MRPL42: variants seen among roughly 807,000 people sequenced by gnomAD.
The protein encoded by MRPL42 is mitochondrial ribosomal protein L42, also known as large ribosomal subunit protein mL42.
Under a neutral mutation model 17.9 loss-of-function variants are expected in MRPL42, and 17 were observed. The observed-to-expected ratio is 0.95, with a 90% CI of 0.65 to 1.42. The LOEUF (loss-of-function observed/expected upper bound fraction) is 1.42, where lower values mean the gene tolerates loss of function less well. MRPL42 is among the 40% of genes most tolerant of loss of function. The pLI, the probability that MRPL42 is intolerant of heterozygous loss-of-function variation, is 0.00. For missense variants in MRPL42, 177 were observed against 175.2 expected (o/e 1.01, Z -0.06); for synonymous variants, 59 against 54.4 (o/e 1.08, Z -0.37).
rs2121314792 is a variant in MRPL42, at chr12:93,516,184, C to T, written c.*14963C>T. The T allele has an allele frequency of 6.6e-6, 1 of 152,332 alleles. No homozygotes were observed. Among genetic ancestry groups the T allele is most frequent in the South Asian group, 2.1e-4 (1 of 4,826 alleles). 9.4% of individuals were successfully genotyped at this position (152,332 alleles called of 1,614,324 possible). A position where few individuals can be genotyped will look rare whatever the true frequency, so the allele number is the denominator to read the frequency against. ...CTATGTTGTGTGTTCTTCTTTGCTG[C>T]AATGAGTAATAAACTCAACTTGTTT... On this transcript the variant is annotated 3_prime_UTR_variant, in exon 6 of 6. Transcript: ENST00000549982.
chr12:93,478,938 A>AT (rs1437931558), intron 3 of MRPL42, among the ~76,000 whole-genome samples: 2 of 80,108 alleles, frequency 2.5e-5, no homozygotes, highest in South Asian at 6.9e-4. Context: ...TTATTTATTT[A>AT]TTTATTTTTT....
At chr12:93,485,813 G>A (rs1340049345) in intron 4 of MRPL42, among the ~76,000 whole-genome samples, 7 of 151,746 alleles carry the variant, frequency 4.6e-5, no homozygotes, top group Non-Finnish European at 1.0e-4. Flanking sequence ...TTTGTTTTCC[G>A]TTTTGTTTTG....
chr12:93,495,834 A>T (rs1198184336), intron 5 of MRPL42, among the ~76,000 whole-genome samples: 2 of 152,202 alleles, frequency 1.3e-5, no homozygotes, highest in Non-Finnish European at 2.9e-5. Flanking sequence ...CTGGTAGCTG[A>T]ACTCTGGAAA....
intron 5 of MRPL42, among the ~76,000 whole-genome samples, chr12:93,491,796 G>A (rs1011381785): frequency 7.9e-5 from 12 of 152,124 alleles, no homozygotes; most frequent in African/African-American, 2.9e-4. Context: ...TGTCCCCAGT[G>A]TTTTTTGTTT....
intron 2 of MRPL42, chr12:93,470,453 G>A (rs1275156616): frequency 1.6e-6 from 2 of 1,273,110 alleles, no homozygotes; most frequent in South Asian, 2.7e-5. Context: ...TAAACTATGT[G>A]AGCCAACTTT....
Position 93,510,426 on chromosome 12 carries a change from TC to T in MRPL42, c.*9207del, listed in dbSNP as rs1953715277. The T allele has an allele frequency of 6.6e-6, 1 of 152,222 alleles. No homozygotes were observed. The highest frequency in any genetic ancestry group is 1.5e-5 in the Non-Finnish European group (1 of 68,046). 9.4% of individuals were successfully genotyped at this position (152,222 alleles called of 1,614,324 possible). ...AGATATCCATGTGTAGGTTTTTGTG[TC>T]CATTTAAGCTTTCAACTCCTTTGGG... On this transcript the variant is annotated 3_prime_UTR_variant, in exon 6 of 6. Transcript: ENST00000549982.
At chr12:93,490,849 T>G (rs981648347) in intron 5 of MRPL42, among the ~76,000 whole-genome samples, 1 of 152,258 alleles carries the variant, frequency 6.6e-6, no homozygotes. Context: ...TCTTCTTAAA[T>G]AAGTTTTTAT....
intron 5 of MRPL42, among the ~76,000 whole-genome samples, chr12:93,496,448 A>C (rs1953506434): frequency 6.6e-6 from 1 of 152,116 alleles, no homozygotes; most frequent in Admixed American, 6.6e-5. Context: ...TAGATACCTA[A>C]TAAACTATAA....
At position 93,477,033 on chromosome 12, in the gene MRPL42, C is replaced by T. The variant is rs1281775695; in HGVS notation, c.134+16C>T. The stretch of plus-strand genomic sequence containing the variant: ...ACTATAATTGGTATGTATTAAAATT[C>T]AATTGAAGAAATAATAGTCTTAGCT... On this transcript the variant is annotated intron_variant, in intron 3 of 5. Coordinates refer to ENST00000549982, the MANE Select transcript of MRPL42 (RefSeq NM_014050.4). The T allele has an allele frequency of 6.6e-7, 1 of 1,522,218 alleles. No homozygotes were observed. Among genetic ancestry groups the T allele is most frequent in the Non-Finnish European group, 9.0e-7 (1 of 1,105,690 alleles). The allele number at this position is 1,522,218 out of a possible 1,614,324, so 94.3% of individuals were successfully genotyped here.
At chr12:93,488,521 T>C (rs11107049) in intron 5 of MRPL42, 55,363 of 366,450 alleles carry the variant, frequency 0.15, 4,867 homozygotes, top group East Asian at 0.26. Context: ...TTACATTCTA[T>C]GATGTATTCA....
In MRPL42 at chr12:93,504,811, T is replaced by G. The variant is rs1024008608; in HGVS notation, c.*3590T>G. ...TAATCAGAGTTTGTAATTAGGCATC[T>G]TTTTGTGTGATTATTTGGTAAATGT... is the stretch of plus-strand genomic sequence containing the variant. On this transcript the variant is annotated 3_prime_UTR_variant, in exon 6 of 6. Transcript: ENST00000549982. 73 of 152,214 alleles carry G rather than the reference T, an allele frequency of 4.8e-4. No homozygotes were observed. The highest frequency in any genetic ancestry group is 1.7e-3 in the African/African-American group (71 of 41,452). 9.4% of individuals were successfully genotyped at this position (152,214 alleles called of 1,614,324 possible).
intron 5 of MRPL42, chr12:93,488,031 C>T (rs947536294): frequency 1.1e-5 from 3 of 269,394 alleles, no homozygotes; most frequent in Non-Finnish European, 1.4e-5. Flanking sequence ...AGTGCAGTGG[C>T]GAGATCTCGT....
intron 5 of MRPL42, among the ~76,000 whole-genome samples, chr12:93,496,856 A>AGCCT (rs1255647994): frequency 6.6e-6 from 1 of 151,990 alleles, no homozygotes; most frequent in African/African-American, 2.4e-5. Flanking sequence ...CTTGTCCCCC[A>AGCCT]GCCTGGAGTG....
intron 4 of MRPL42, among the ~76,000 whole-genome samples, chr12:93,485,245 C>A (rs1247225177): frequency 1.3e-5 from 2 of 149,400 alleles, no homozygotes; most frequent in African/African-American, 2.5e-5. Flanking sequence ...TCACTGCAGC[C>A]TCAGCTTCCC....
At chr12:93,484,525 AT>A (rs35004040) in intron 4 of MRPL42, among the ~76,000 whole-genome samples, 20,076 of 152,050 alleles carry the variant, frequency 0.13, 1,615 homozygotes, top group East Asian at 0.22. Context: ...GGTGACAGGA[AT>A]TTTTTTAGCT....
intron 5 of MRPL42, among the ~76,000 whole-genome samples, chr12:93,496,111 C>T (rs560955723): frequency 1.3e-5 from 2 of 152,186 alleles, no homozygotes; most frequent in South Asian, 2.1e-4. Flanking sequence ...TAGGCTGGAG[C>T]GCAGTTGCAC....
chr12:93,468,175 G>A (rs1879732549), intron 1 of MRPL42, among the ~76,000 whole-genome samples: 1 of 152,180 alleles, frequency 6.6e-6, no homozygotes, highest in Non-Finnish European at 1.5e-5. Flanking sequence ...ATGAAAGTGG[G>A]TTGTAAACTA....
Position 93,500,911 on chromosome 12 carries a change from T to C in MRPL42, c.384-265T>C, listed in dbSNP as rs1026412376. ...AGTTTGAGGCTGTAGTACACTATTA[T>C]TGAGCTTATGAATAACCTCTGCACT... On this transcript the variant is annotated intron_variant, in intron 5 of 5. Coordinates refer to ENST00000549982, the MANE Select transcript of MRPL42 (RefSeq NM_014050.4). The C allele has an allele frequency of 1.9e-4, 62 of 332,656 alleles. 1 individual carries two copies. Among genetic ancestry groups the C allele is most frequent in the Non-Finnish European group, 7.7e-5 (14 of 180,702 alleles). 20.6% of individuals were successfully genotyped at this position (332,656 alleles called of 1,614,324 possible). A position where few individuals can be genotyped will look rare whatever the true frequency, so the allele number is the denominator to read the frequency against.
chr12:93,471,501 T>C (rs951862224), intron 2 of MRPL42, among the ~76,000 whole-genome samples: 2 of 152,080 alleles, frequency 1.3e-5, no homozygotes, highest in Non-Finnish European at 2.9e-5. Flanking sequence ...GGTTTCACCA[T>C]GTTGGCCAAA....
Sources: gnomAD v4.1 joint callset for allele counts (sites outside exome capture counted in the v4.1 genomes callset) on GRCh38, gnomAD v4.1.1 for gene constraint, MANE v1.5 for transcripts, NCBI Gene and HGNC (gene_info 2026-07-23, HGNC 2026-07-21) for gene names.